The following TPD52L1 variants were observed in gnomAD, a reference collection of about 807,000 sequenced individuals.
The protein encoded by TPD52L1 is tumor protein D53.
Under a neutral mutation model 28.7 loss-of-function variants are expected in TPD52L1, and 18 were observed. The observed-to-expected ratio is 0.63, with a 90% CI of 0.43 to 0.93. The LOEUF (loss-of-function observed/expected upper bound fraction) is 0.93. TPD52L1 is among the 40% of genes least tolerant of loss of function. The probability of loss-of-function intolerance (pLI) is 0.00; values close to 1 mark genes in which losing one functional copy is unlikely to be tolerated. For synonymous variants in TPD52L1, 75 were observed against 88.8 expected (o/e 0.84, Z 0.88); for missense variants, 203 against 254.8 (o/e 0.80, Z 1.39).
At chr6:125,206,795 T>C (rs1377386103) in intron 1 of TPD52L1, among the ~76,000 whole-genome samples, 1 of 147,650 alleles carries the variant, frequency 6.8e-6, no homozygotes, top group African/African-American at 2.5e-5. Context: ...GTTGTGTAGA[T>C]TGGGTGGTGG....
At chr6:125,214,616 A>G (rs1244398237) in intron 1 of TPD52L1, among the ~76,000 whole-genome samples, 1 of 152,184 alleles carries the variant, frequency 6.6e-6, no homozygotes, top group Non-Finnish European at 1.5e-5. Context: ...TTGCTGGTAA[A>G]TCCAATTTCA....
chr6:125,164,227 T>C lies in TPD52L1; in HGVS notation c.19+10257T>C, dbSNP rs184134549. On this transcript the variant is annotated intron_variant, in intron 1 of 6. Transcript: ENST00000534000. ...GAGGCTTTAAACGGGCAGAATTTAA[T>C]TGTACAGTTCATTTCATATGTGGGC... Among the ~76,000 whole-genome samples, 24 of 152,316 alleles carry C rather than the reference T, an allele frequency of 1.6e-4. No homozygotes were observed. In the East Asian group the frequency reaches 4.6e-3, roughly 29 times the overall value.
At chr6:125,262,713 G>T in intron 6 of TPD52L1, 121 bp from the exon 7 acceptor site, 4 of 1,314,162 alleles carry the variant, frequency 3.0e-6, no homozygotes, top group Admixed American at 2.6e-5. Flanking sequence ...GCATTCTTTT[G>T]TCTCTAAAGA....
intron 1 of TPD52L1, chr6:125,154,591 C>T (rs1236912814): frequency 6.3e-6 from 6 of 956,498 alleles, no homozygotes; most frequent in South Asian, 4.8e-5. Flanking sequence ...GCGCGGGGCC[C>T]CCGGCCGCCC....
chr6:125,183,218 C>G (rs1792334905), intron 1 of TPD52L1, among the ~76,000 whole-genome samples: 1 of 152,168 alleles, frequency 6.6e-6, no homozygotes, highest in African/African-American at 2.4e-5. Flanking sequence ...TGGCTCACAC[C>G]TATAATCCCA....
intron 3 of TPD52L1, among the ~76,000 whole-genome samples, chr6:125,247,413 A>T (rs1796986268): frequency 6.6e-6 from 1 of 152,142 alleles, no homozygotes. Flanking sequence ...CCTTCCTGTC[A>T]TGATGCTCAC....
At chr6:125,239,128 C>T (rs1796464880) in intron 3 of TPD52L1, among the ~76,000 whole-genome samples, 1 of 152,206 alleles carries the variant, frequency 6.6e-6, no homozygotes, top group Admixed American at 6.5e-5. Flanking sequence ...CACATCAACG[C>T]CAATGTCTAT....
chr6:125,206,212 G>A (rs781274513), intron 1 of TPD52L1, among the ~76,000 whole-genome samples: 5 of 152,058 alleles, frequency 3.3e-5, no homozygotes, highest in Non-Finnish European at 7.4e-5. Flanking sequence ...TTTTCAGAAG[G>A]ACAATAAATG....
At chr6:125,184,742 A>G (rs891147127) in intron 1 of TPD52L1, among the ~76,000 whole-genome samples, 1 of 152,204 alleles carries the variant, frequency 6.6e-6, no homozygotes, top group Admixed American at 6.5e-5. Context: ...TACATTAACA[A>G]GAGAAAAAAA....
intron 3 of TPD52L1, among the ~76,000 whole-genome samples, chr6:125,234,131 T>A (rs1472267183): frequency 6.6e-6 from 1 of 152,226 alleles, no homozygotes; most frequent in East Asian, 1.9e-4. Context: ...GCATATCAGG[T>A]GCTCTATAAA....
At chr6:125,184,007 G>T (rs554187250) in intron 1 of TPD52L1, among the ~76,000 whole-genome samples, 1 of 152,132 alleles carries the variant, frequency 6.6e-6, no homozygotes, top group Non-Finnish European at 1.5e-5. Context: ...ATCAATCAGG[G>T]TCCAGTTGCA....
intron 5 of TPD52L1, 145 bp downstream of exon 5, chr6:125,253,900 G>T (rs771306139): frequency 2.4e-6 from 2 of 849,534 alleles, no homozygotes; most frequent in Admixed American, 3.4e-5. Flanking sequence ...ACAATTCTGT[G>T]GAAGAATTGC....
chr6:125,252,259 C>G (rs1266751765), intron 4 of TPD52L1: 4 of 495,164 alleles, frequency 8.1e-6, no homozygotes, highest in Non-Finnish European at 1.4e-5. Context: ...CACCATTTCA[C>G]TTGCTGAGCT....
chr6:125,174,314 C>T (rs1049542276), intron 1 of TPD52L1, among the ~76,000 whole-genome samples: 1 of 152,138 alleles, frequency 6.6e-6, no homozygotes, highest in African/African-American at 2.4e-5. Context: ...TTCGTTATAG[C>T]AGTTAGGTGT....
chr6:125,185,723 C>G (rs1792554869), intron 1 of TPD52L1, among the ~76,000 whole-genome samples: 1 of 151,824 alleles, frequency 6.6e-6, no homozygotes, highest in Non-Finnish European at 1.5e-5. Flanking sequence ...ATAGCAACAA[C>G]TAAAATAGTA....
At chr6:125,243,816 G>C (rs1231257782) in intron 3 of TPD52L1, among the ~76,000 whole-genome samples, 1 of 150,842 alleles carries the variant, frequency 6.6e-6, no homozygotes, top group African/African-American at 2.4e-5. Context: ...TTTCGTCTTG[G>C]TTTGGATCCA....
intron 3 of TPD52L1, chr6:125,231,279 T>C (rs1795931108): frequency 6.6e-6 from 1 of 152,276 alleles, no homozygotes; most frequent in African/African-American, 2.4e-5. Flanking sequence ...CTGGCAGTTT[T>C]GTTGCTGAAG....
chr6:125,251,285 T>G (rs1356354899), intron 4 of TPD52L1, among the ~76,000 whole-genome samples: 1 of 152,202 alleles, frequency 6.6e-6, no homozygotes, highest in Non-Finnish European at 1.5e-5. Flanking sequence ...TTAGTTACAC[T>G]ATAACATTTT....
chr6:125,163,727 A>G (rs138919067), intron 1 of TPD52L1, among the ~76,000 whole-genome samples: 4 of 151,866 alleles, frequency 2.6e-5, no homozygotes, highest in African/African-American at 9.7e-5. Flanking sequence ...GGAGCTCAAG[A>G]CCAGCCTGAT....
Sources: gnomAD v4.1 joint callset for allele counts (sites outside exome capture counted in the v4.1 genomes callset) on GRCh38, gnomAD v4.1.1 for gene constraint, MANE v1.5 for transcripts, NCBI Gene and HGNC (gene_info 2026-07-23, HGNC 2026-07-21) for gene names.